Variants in SMARCA2 observed in about 807,000 individuals in gnomAD.
SMARCA2 encodes the protein SWI/SNF-related matrix-associated actin-dependent regulator of chromatin subfamily A member 2.
In SMARCA2, 61 loss-of-function variants were observed where a neutral mutation model predicts 199.8. The observed-to-expected ratio is 0.31, with a 90% CI of 0.25 to 0.38. SMARCA2 has a LOEUF of 0.38. SMARCA2 is among the 10% of genes least tolerant of loss of function. SMARCA2 has a pLI of 1.00. For missense variants in SMARCA2, 1,344 were observed against 2,012.2 expected (o/e 0.67, Z 6.35); for synonymous variants, 935 against 732.0 (o/e 1.28, Z -4.48).
rs980906549 is a variant in SMARCA2, at chr9:2,170,115, G to T, written c.4200-304G>T. On this transcript the variant is annotated intron_variant, in intron 28 of 33. Coordinates refer to ENST00000349721, the MANE Select transcript of SMARCA2 (RefSeq NM_003070.5). This position sits in a 1 kb window ranked among gnomAD's most constrained non-coding sequence, Gnocchi z 4.7. Reference sequence around the variant, plus strand: ...ACGCACCTCTAGCCAGTGGCTGCCTGTCTCCCACCTTCTGGAACAGTGAAT... The same window carrying T: ...ACGCACCTCTAGCCAGTGGCTGCCTTTCTCCCACCTTCTGGAACAGTGAAT... Among the ~76,000 whole-genome samples the T allele has an allele frequency of 7.9e-5, 12 of 152,182 alleles. No homozygotes were observed. The highest frequency in any genetic ancestry group is 2.7e-4 in the African/African-American group (11 of 41,446).
intron 27 of SMARCA2, among the ~76,000 whole-genome samples, chr9:2,137,843 C>A (rs1034606570): frequency 4.6e-5 from 7 of 152,126 alleles, no homozygotes; most frequent in Admixed American, 6.5e-5. Flanking sequence ...AGCCCCATAT[C>A]CTTTTGGCAA....
chr9:2,034,858 C>T (rs1311824213), intron 3 of SMARCA2, among the ~76,000 whole-genome samples: 1 of 152,070 alleles, frequency 6.6e-6, no homozygotes, highest in Non-Finnish European at 1.5e-5. Context: ...TTGACCATGT[C>T]AGAAGAGCAG....
chr9:2,089,035 T>A (rs1427076514), intron 19 of SMARCA2, among the ~76,000 whole-genome samples: 1 of 152,152 alleles, frequency 6.6e-6, no homozygotes, highest in Non-Finnish European at 1.5e-5. Flanking sequence ...AGAAATTTAT[T>A]TAACATTTGA....
At chr9:2,122,645 C>G (rs1460990376) in intron 26 of SMARCA2, among the ~76,000 whole-genome samples, 3 of 152,114 alleles carry the variant, frequency 2.0e-5, no homozygotes, top group Non-Finnish European at 2.9e-5. Context: ...AAAATAGGTT[C>G]TAGAGGTCAT....
At chr9:2,133,440 C>A (rs1824053672) in intron 27 of SMARCA2, among the ~76,000 whole-genome samples, 1 of 152,038 alleles carries the variant, frequency 6.6e-6, no homozygotes, top group Admixed American at 6.6e-5. Flanking sequence ...CACCGCCACA[C>A]CCAGCTAATT....
Position 2,112,995 on chromosome 9 carries a change from A to T in SMARCA2, c.3456+2578A>T, listed in dbSNP as rs138477834. Among the ~76,000 whole-genome samples, 513 of 152,340 alleles carry T rather than the reference A, an allele frequency of 3.4e-3. 7 individuals are homozygous for T. Among genetic ancestry groups the T allele is most frequent in the Non-Finnish European group, 4.1e-3 (281 of 68,036 alleles). On this transcript the variant is annotated intron_variant, in intron 24 of 33. Transcript: ENST00000349721. ...TGTCTGTTTAGGTTTCAGTTTGAAT[A>T]CTGGGTTTGAGCTCTTTCTACCTTG...
At chr9:2,153,062 A>C (rs557791411) in intron 27 of SMARCA2, among the ~76,000 whole-genome samples, 3 of 152,152 alleles carry the variant, frequency 2.0e-5, no homozygotes, top group South Asian at 2.1e-4. Flanking sequence ...AAACAAACAA[A>C]CAACCAAAAA....
chr9:2,051,461 C>A (rs116087040), intron 5 of SMARCA2, among the ~76,000 whole-genome samples: 1 of 152,202 alleles, frequency 6.6e-6, no homozygotes, highest in Non-Finnish European at 1.5e-5. Context: ...TTCCCACCCC[C>A]CATCTCCTCA....
rs771165163 is a variant in SMARCA2 at position 2,084,215 on chromosome 9, A to T, written c.2526+19A>T. On this transcript the variant is annotated intron_variant, in intron 17 of 33. Transcript: ENST00000349721. The stretch of plus-strand genomic sequence containing the variant: ...TGCAAAGGTATGTTTTTAAAAAATT[A>T]TTTTCTCTCTAATTAGGACCATTGC... 1 of 1,346,550 alleles carries T rather than the reference A, an allele frequency of 7.4e-7. No homozygotes were observed. Among genetic ancestry groups the T allele is most frequent in the Non-Finnish European group, 1.1e-6 (1 of 943,256 alleles). 83.4% of individuals were successfully genotyped at this position (1,346,550 alleles called of 1,614,324 possible). A position where few individuals can be genotyped will look rare whatever the true frequency, so the allele number is the denominator to read the frequency against.
intron 28 of SMARCA2, among the ~76,000 whole-genome samples, chr9:2,167,189 T>G (rs774844268): frequency 6.6e-6 from 1 of 152,256 alleles, no homozygotes; most frequent in Non-Finnish European, 1.5e-5. Flanking sequence ...CAGGATTTAA[T>G]TAGTTTGCAA....
chr9:2,192,489 G>C, intron 33 of SMARCA2: 1 of 589,758 alleles, frequency 1.7e-6, no homozygotes, highest in Non-Finnish European at 3.0e-6. Context: ...CTTAGAGGGT[G>C]GGCTTTGCTT....
intron 27 of SMARCA2, among the ~76,000 whole-genome samples, chr9:2,145,132 C>G (rs762140915): frequency 4.6e-5 from 7 of 152,030 alleles, no homozygotes; most frequent in Non-Finnish European, 8.8e-5. Context: ...AAACCCATCT[C>G]TACTAACAAT....
rs1165982678 is a variant in SMARCA2, at chr9:2,169,406, G to A, written c.4200-1013G>A. Among the ~76,000 whole-genome samples the A allele has an allele frequency of 6.6e-6, 1 of 151,724 alleles. No homozygotes were observed. Among genetic ancestry groups the A allele is most frequent in the Admixed American group, 6.6e-5 (1 of 15,256 alleles). ...GTTATCTTCCACAGTCTGAACCTTC[G>A]GATCTTCCCAACTTTTTTTTTCCAA... On this transcript the variant is annotated intron_variant, in intron 28 of 33. Coordinates refer to ENST00000349721, the MANE Select transcript of SMARCA2 (RefSeq NM_003070.5). The surrounding 1 kb of genome is among the most constrained non-coding windows in gnomAD (Gnocchi z 6.5).
rs943008367 is a variant in SMARCA2, at chr9:2,172,143, A to G, written c.4253+1671A>G. The stretch of plus-strand genomic sequence containing the variant: ...TGAGCTGACAACATGGTGTTTGGAG[A>G]TTGTATTATGATGAATTAACCCTTT... On this transcript the variant is annotated intron_variant, in intron 29 of 33. Coordinates refer to ENST00000349721, the MANE Select transcript of SMARCA2 (RefSeq NM_003070.5). Among the ~76,000 whole-genome samples, 3 of 152,050 alleles carry G rather than the reference A, an allele frequency of 2.0e-5. No homozygotes were observed. The East Asian group carries it at 5.8e-4, about 29-fold the overall frequency.
intron 27 of SMARCA2, among the ~76,000 whole-genome samples, chr9:2,139,716 GA>G (rs1824376008): frequency 6.6e-6 from 1 of 152,156 alleles, no homozygotes; most frequent in African/African-American, 2.4e-5. Context: ...GACATCTCAA[GA>G]CACCAATCTT....
chr9:2,107,519 T>C (rs1386514007), intron 23 of SMARCA2, among the ~76,000 whole-genome samples: 1 of 152,022 alleles, frequency 6.6e-6, no homozygotes, highest in Non-Finnish European at 1.5e-5. Context: ...GGTTTTACCA[T>C]GTTGGCCAGG....
intron 27 of SMARCA2, chr9:2,158,937 C>T: frequency 6.2e-7 from 1 of 1,611,292 alleles, no homozygotes; most frequent in East Asian, 2.2e-5. Context: ...TTTTGTAGCT[C>T]TCTGCATTCC....
chr9:2,172,654 C>A (rs1419932086), intron 29 of SMARCA2, among the ~76,000 whole-genome samples: 1 of 152,044 alleles, frequency 6.6e-6, no homozygotes, highest in African/African-American at 2.4e-5. Context: ...ATGTACTCTT[C>A]TAGGAGTGGG....
At chr9:2,141,011 G>T (rs1360780118) in intron 27 of SMARCA2, among the ~76,000 whole-genome samples, 5 of 152,102 alleles carry the variant, frequency 3.3e-5, no homozygotes, top group African/African-American at 1.2e-4. Flanking sequence ...GTATTTCACA[G>T]GCTGAACCCT....
Sources: gnomAD v4.1 joint callset for allele counts (sites outside exome capture counted in the v4.1 genomes callset) on GRCh38, gnomAD v4.1.1 for gene constraint, Gnocchi (gnomAD v3.1) non-coding constraint, MANE v1.5 for transcripts, NCBI Gene and HGNC (gene_info 2026-07-23, HGNC 2026-07-21) for gene names.